BBS4: variants seen among roughly 807,000 people sequenced by gnomAD.
The protein encoded by BBS4 is Bardet-Biedl syndrome 4, also known as BBSome complex member BBS4.
BBS4 carries 58 observed loss-of-function variants against 71.4 expected under a neutral mutation model. That is an observed-to-expected ratio of 0.81 (90% confidence interval 0.66 to 1.01). The LOEUF is 1.01. Among genes scored for constraint, BBS4 ranks in the 50% least tolerant of loss-of-function variants. The probability of loss-of-function intolerance (pLI) is 0.00; values close to 1 mark genes in which losing one functional copy is unlikely to be tolerated. For missense variants in BBS4, 660 were observed against 607.9 expected, an observed-to-expected ratio of 1.09 and a Z score of -0.90; for synonymous variants, 228 against 216.8, an observed-to-expected ratio of 1.05 and a Z score of -0.46.
intron 12 of BBS4, 84 bp from the exon 13 acceptor site, chr15:72,735,029 T>C (rs1271240281): frequency 1.0e-6 from 1 of 968,818 alleles, no homozygotes. Flanking sequence ...GCTGACAGGG[T>C]GAAGTTTACT....
intron 1 of BBS4, among the ~76,000 whole-genome samples, chr15:72,688,414 T>TTTTTTTC (rs1555496531): frequency 1.6e-5 from 2 of 124,646 alleles, no homozygotes; most frequent in African/African-American, 6.2e-5. Flanking sequence ...ATTTTATCTT[T>TTTTTTTC]TTTTTTTTTT....
intron 12 of BBS4, among the ~76,000 whole-genome samples, chr15:72,734,612 G>A (rs931330806): frequency 3.5e-4 from 53 of 152,288 alleles, no homozygotes; most frequent in African/African-American, 1.3e-3. Context: ...GAGGTGGAAT[G>A]GGCAGGGCTT....
intron 15 of BBS4, 70 bp downstream of exon 15, chr15:72,737,033 A>G (rs2065940467): frequency 1.9e-6 from 3 of 1,538,578 alleles, no homozygotes; most frequent in Middle Eastern, 1.9e-4. Flanking sequence ...CAGAGATTAT[A>G]GCTTTCAGTG....
chr15:72,693,321 T>A (rs994857228), intron 1 of BBS4, among the ~76,000 whole-genome samples: 2 of 152,252 alleles, frequency 1.3e-5, no homozygotes, highest in Non-Finnish European at 2.9e-5. Context: ...TTTTTCCTAA[T>A]ATATTTTCAT....
At chr15:72,698,610 A>C (rs1233211619) in intron 2 of BBS4, among the ~76,000 whole-genome samples, 1 of 152,122 alleles carries the variant, frequency 6.6e-6, no homozygotes. Flanking sequence ...TGTATATATC[A>C]CATTTTGTTT....
At position 72,731,676 on chromosome 15, in the gene BBS4, C is replaced by T. The variant is rs201987100; in HGVS notation, c.986C>T (p.Ala329Val). 1.7e-5 allele frequency: 27 copies of T among 1,614,172 alleles called. No homozygotes were observed. Among genetic ancestry groups the T allele is most frequent in the East Asian group, 2.2e-5 (1 of 44,874 alleles). The change falls in exon 12 of 16, where the codon GCG becomes GTG. Residue 329 changes from alanine (A) to valine (V), a missense_variant. Coordinates refer to ENST00000268057, the MANE Select transcript of BBS4 (RefSeq NM_033028.5). ...GCATCAGCTTTTCATTTTCTCAGTG[C>T]GGCCATCAACTTCCAGCCAAAGATG... Reference protein sequence around the residue: ...QYASAFHFLSAAINFQPKMGE... With the variant: ...QYASAFHFLSVAINFQPKMGE...
chr15:72,719,578 T>C (rs768974600), intron 6 of BBS4, among the ~76,000 whole-genome samples: 7 of 151,658 alleles, frequency 4.6e-5, no homozygotes, highest in Admixed American at 1.3e-4. Context: ...AGAGAACCCA[T>C]AGAGGGAGAT....
At chr15:72,689,758 C>T (rs563480586) in intron 1 of BBS4, among the ~76,000 whole-genome samples, 3 of 151,788 alleles carry the variant, frequency 2.0e-5, no homozygotes, top group African/African-American at 7.2e-5. Flanking sequence ...CTCTGGCTTT[C>T]ATGATTTGTG....
intron 10 of BBS4, among the ~76,000 whole-genome samples, chr15:72,731,065 C>CTTTTTTTTTTTTTTTTTTTTTTTT (rs35004414): frequency 1.3e-5 from 1 of 77,610 alleles, no homozygotes; most frequent in African/African-American, 5.7e-5. Flanking sequence ...AACATTTTAT[C>CTTTTTTTTTTTTTTTTTTTTTTTT]TTTTTTTTTT....
At chr15:72,692,896 C>T (rs1027801950) in intron 1 of BBS4, among the ~76,000 whole-genome samples, 2 of 152,186 alleles carry the variant, frequency 1.3e-5, no homozygotes, top group African/African-American at 4.8e-5. Flanking sequence ...CCACACCTGG[C>T]TGATCTATCT....
Position 72,737,844 on chromosome 15 carries a change from T to C in BBS4, c.*257T>C, listed in dbSNP as rs183738657. The C allele has an allele frequency of 4.7e-5, 24 of 506,194 alleles. No homozygotes were observed. The East Asian group carries it at 1.1e-3, about 24-fold the overall frequency. The allele number at this position is 506,194 out of a possible 1,614,324, so 31.4% of individuals were successfully genotyped here. On this transcript the variant is annotated 3_prime_UTR_variant, in exon 16 of 16. Transcript: ENST00000268057. ...TTCCTTTAAGAACTGGCAGCAAGGC[T>C]TGAGGCCTTATGTATGTAGCTGAGT...
In BBS4 at chr15:72,738,441, CAAG is replaced by C. The variant is rs1567438038; in HGVS notation, c.*856_*858del. On this transcript the variant is annotated 3_prime_UTR_variant, in exon 16 of 16. Coordinates refer to ENST00000268057, the MANE Select transcript of BBS4 (RefSeq NM_033028.5). ...GAAAATTGTTATTCAGGTATAAAAA[CAAG>C]AGATCATAATAAAAACCTAAAAGAA... The C allele has an allele frequency of 2.7e-6, 1 of 374,138 alleles. No homozygotes were observed. The highest frequency in any genetic ancestry group is 2.1e-5 in the African/African-American group (1 of 47,204). The allele number at this position is 374,138 out of a possible 1,614,324, so 23.2% of individuals were successfully genotyped here.
intron 3 of BBS4, among the ~76,000 whole-genome samples, chr15:72,710,357 T>C (rs761125755): frequency 3.9e-5 from 6 of 151,910 alleles, no homozygotes; most frequent in East Asian, 1.9e-4. Flanking sequence ...AGTGTCACCA[T>C]GCCCAGCTAA....
chr15:72,729,717 A>G (rs2065774819), intron 10 of BBS4, 33 bp downstream of exon 10: 3 of 1,586,398 alleles, frequency 1.9e-6, no homozygotes, highest in Non-Finnish European at 2.6e-6. Context: ...TGGCCTTCAT[A>G]TAGACGGTCC....
intron 2 of BBS4, among the ~76,000 whole-genome samples, chr15:72,707,068 GT>G (rs1282008656): frequency 1.3e-5 from 2 of 151,202 alleles, no homozygotes; most frequent in Admixed American, 6.6e-5. Flanking sequence ...GGACATAGAA[GT>G]TTTTTGGTTT....
In BBS4 at chr15:72,715,310, A is replaced by C. The variant is rs745338483; in HGVS notation, c.240A>C (p.Glu80Asp). 8 of 1,612,348 alleles carry C rather than the reference A, an allele frequency of 5.0e-6. No individual in the cohort carries two copies. Among genetic ancestry groups the C allele is most frequent in the Non-Finnish European group, 5.9e-6 (7 of 1,178,436 alleles). ...TGGCAGCATTGATATTTCGCCTAGAAGGAAATATCCAAGAATCCCTAGAAC... is the reference window on the plus strand; with the variant it reads ...TGGCAGCATTGATATTTCGCCTAGACGGAAATATCCAAGAATCCCTAGAAC... ...IYVQALIFRL[E>D]GNIQESLELF... Residue 80 changes from glutamate (E) to aspartate (D), a missense_variant, in exon 5 of 16, where the codon GAA (glutamate) becomes GAC (aspartate). Coordinates refer to ENST00000268057, the MANE Select transcript of BBS4 (RefSeq NM_033028.5).
intron 5 of BBS4, 128 bp from the exon 6 acceptor site, chr15:72,716,650 C>A: frequency 1.3e-6 from 1 of 747,154 alleles, no homozygotes; most frequent in Non-Finnish European, 2.3e-6. Context: ...CAAACCAGCA[C>A]AACCACCTCA....
intron 8 of BBS4, among the ~76,000 whole-genome samples, chr15:72,725,795 C>CTTCCCCCATCCCCCT (rs2065669092): frequency 3.4e-5 from 1 of 29,676 alleles, no homozygotes; most frequent in Non-Finnish European, 6.5e-5. Flanking sequence ...CTCCTTCCCT[C>CTTCCCCCATCCCCCT]TTCCCCCATC....
In BBS4 at chr15:72,712,276, G is replaced by C; in HGVS notation, c.189G>C (p.Gln63His). 5 of 1,614,050 alleles carry C rather than the reference G, an allele frequency of 3.1e-6. No homozygotes were observed. The highest frequency in any genetic ancestry group is 4.2e-6 in the Non-Finnish European group (5 of 1,179,958). Residue 63 changes from glutamine (Q) to histidine (H), a missense_variant, in exon 4 of 16, where the codon CAG becomes CAC. Gln to His is a conservative substitution (Grantham distance 24). Transcript: ENST00000268057. Reference sequence around the variant, plus strand: ...TCAAAGAACAGCTTCAAGAGACTCAGGGATTGTGTGAATATGCTATCTATG... The same window carrying C: ...TCAAAGAACAGCTTCAAGAGACTCACGGATTGTGTGAATATGCTATCTATG... ...AVIKEQLQETQGLCEYAIYVQ... is the reference protein window; with the variant it reads ...AVIKEQLQETHGLCEYAIYVQ...
Sources: allele counts gnomAD v4.1 joint callset (sites outside exome capture counted in the v4.1 genomes callset), GRCh38; gene constraint gnomAD v4.1.1; transcripts MANE v1.5; gene names NCBI Gene and HGNC (gene_info 2026-07-23, HGNC 2026-07-21).